Variants in ESRRB observed in about 807,000 individuals in gnomAD.
ESRRB encodes estrogen related receptor beta, also known as steroid hormone receptor ERR2.
In ESRRB, 16 loss-of-function variants were observed where a neutral mutation model predicts 46.0. The ratio of observed to expected loss-of-function variants is 0.35; its 90% CI spans 0.24 to 0.53. ESRRB has a LOEUF of 0.53. Among genes scored for constraint, ESRRB ranks in the 20% least tolerant of loss-of-function variants. The pLI, the probability that ESRRB is intolerant of heterozygous loss-of-function variation, is 0.93. For missense variants in ESRRB, 488 were observed against 607.4 expected (o/e 0.80, Z 2.07); for synonymous variants, 246 against 259.6 (o/e 0.95, Z 0.50).
At chr14:76,430,394 C>G (rs758741797) in intron 1 of ESRRB, among the ~76,000 whole-genome samples, 10 of 152,186 alleles carry the variant, frequency 6.6e-5, no homozygotes, top group Non-Finnish European at 1.5e-4. Context: ...TGTTTATCCT[C>G]TTAATTTGCC....
intron 1 of ESRRB, among the ~76,000 whole-genome samples, chr14:76,386,954 C>T (rs1406511912): frequency 2.0e-5 from 3 of 152,168 alleles, no homozygotes; most frequent in Non-Finnish European, 4.4e-5. Flanking sequence ...GTTTCCCTGA[C>T]AAACGGGTTG....
At chr14:76,445,199 A>G (rs1303464490) in intron 2 of ESRRB, among the ~76,000 whole-genome samples, 3 of 146,866 alleles carry the variant, frequency 2.0e-5, no homozygotes, top group African/African-American at 7.6e-5. Flanking sequence ...GCCGGGTGCG[A>G]TGGCTCACAC....
At chr14:76,494,803 T>C (rs554532908) in intron 6 of ESRRB, among the ~76,000 whole-genome samples, 2 of 152,232 alleles carry the variant, frequency 1.3e-5, no homozygotes, top group South Asian at 4.2e-4. Context: ...GGAAGCCAGG[T>C]GCACAAAGCC....
intron 1 of ESRRB, among the ~76,000 whole-genome samples, chr14:76,321,886 C>CAAAAAA (rs35191942): frequency 7.0e-6 from 1 of 141,932 alleles, no homozygotes; most frequent in Non-Finnish European, 1.5e-5. Flanking sequence ...GACTCCGTCT[C>CAAAAAA]AAAAAAAAAA....
intron 2 of ESRRB, among the ~76,000 whole-genome samples, chr14:76,446,442 C>T (rs979345554): frequency 8.0e-4 from 121 of 151,244 alleles, no homozygotes; most frequent in African/African-American, 2.8e-3. Context: ...TAGATGAGCT[C>T]ATAGACAGAT....
At position 76,482,717 on chromosome 14, in the gene ESRRB, C is replaced by A. The variant is rs202023138; in HGVS notation, c.808C>A (p.Arg270=). Residue 270 remains arginine, a synonymous_variant, in exon 5 of 7, where the codon CGA becomes AGA. Transcript: ENST00000644823. This position sits in a 1 kb window ranked among gnomAD's most constrained non-coding sequence, Gnocchi z 4.3. Reference sequence around the variant, plus strand: ...GACCACTCTCTGTGACCTGGCAGACCGAGAGCTTGTGGTCATCATTGGCTG... The same window carrying A: ...GACCACTCTCTGTGACCTGGCAGACAGAGAGCTTGTGGTCATCATTGGCTG... ...ALTTLCDLAD[R]ELVVIIGWAK... 7 of 1,614,160 alleles carry A rather than the reference C, an allele frequency of 4.3e-6. No individual in the cohort carries two copies. Among genetic ancestry groups the A allele is most frequent in the Non-Finnish European group, 5.9e-6 (7 of 1,180,024 alleles).
intron 2 of ESRRB, among the ~76,000 whole-genome samples, chr14:76,461,021 T>C (rs1888833778): frequency 6.6e-6 from 1 of 152,024 alleles, no homozygotes; most frequent in Non-Finnish European, 1.5e-5. Context: ...ATTGCATTTC[T>C]TTACCTCCCC....
At chr14:76,313,914 G>A (rs1250334645) in intron 1 of ESRRB, among the ~76,000 whole-genome samples, 7 of 152,130 alleles carry the variant, frequency 4.6e-5, no homozygotes, top group South Asian at 4.1e-4. Context: ...AATCCTCAGC[G>A]GGTTAAGAGT....
At chr14:76,349,776 G>A (rs7158794) in intron 1 of ESRRB, among the ~76,000 whole-genome samples, 127,676 of 151,760 alleles carry the variant, frequency 0.84, 54,055 homozygotes, top group East Asian at 1. Context: ...GACTCTGAGT[G>A]CGTGCTCATT....
In ESRRB at chr14:76,491,668, G is replaced by A. The variant is rs1365959241; in HGVS notation, c.1072G>A (p.Glu358Lys). The change falls in exon 6 of 7, where the codon GAG becomes AAG. Residue 358 changes from glutamate to lysine, a missense_variant. Transcript: ENST00000644823. ...LVRRYKKLKVEKEEFVTLKAL... is the reference protein window; with the variant it reads ...LVRRYKKLKVKKEEFVTLKAL... ...ACGCAGGTACAAGAAGCTCAAGGTG[G>A]AGAAGGAGGAGTTTGTGACGCTCAA... 1.3e-6 allele frequency: 2 copies of A among 1,587,560 alleles called. No individual in the cohort carries two copies. The highest frequency in any genetic ancestry group is 1.8e-5 in the Admixed American group (1 of 54,194).
In ESRRB at chr14:76,429,865, G is replaced by A. The variant is rs199633810; in HGVS notation, c.51-9476G>A. Among the ~76,000 whole-genome samples, 16 of 152,320 alleles carry A rather than the reference G, an allele frequency of 1.1e-4. No individual in the cohort carries two copies. In the East Asian group the frequency reaches 3.1e-3, roughly 29 times the overall value. On this transcript the variant is annotated intron_variant, in intron 1 of 6. Transcript: ENST00000644823. ...TTAAGTTTTATGTGTGTGTGTGTGT[G>A]TGTGTGTAATTAATGGATCTCAGTG...
intron 2 of ESRRB, among the ~76,000 whole-genome samples, chr14:76,459,010 A>C (rs940639027): frequency 2.6e-5 from 4 of 151,724 alleles, no homozygotes; most frequent in African/African-American, 9.7e-5. Context: ...ACACCTGGCT[A>C]AGTTTTGTAT....
At chr14:76,344,297 G>A (rs984648137) in intron 1 of ESRRB, among the ~76,000 whole-genome samples, 1 of 152,052 alleles carries the variant, frequency 6.6e-6, no homozygotes, top group Non-Finnish European at 1.5e-5. Flanking sequence ...CACAAGTTAC[G>A]GGGGTACAGG....
chr14:76,455,754 T>A (rs1470702626), intron 2 of ESRRB, among the ~76,000 whole-genome samples: 1 of 152,098 alleles, frequency 6.6e-6, no homozygotes, highest in Non-Finnish European at 1.5e-5. Context: ...TTGAAAATAA[T>A]TATTCTCAGC....
At chr14:76,387,497 GTT>G (rs902050561) in intron 1 of ESRRB, among the ~76,000 whole-genome samples, 1 of 152,160 alleles carries the variant, frequency 6.6e-6, no homozygotes, top group Non-Finnish European at 1.5e-5. Context: ...AGCAGCTCTG[GTT>G]TTCACCTTTC....
chr14:76,495,346 C>G (rs1173459342), intron 6 of ESRRB: 1 of 152,068 alleles, frequency 6.6e-6, no homozygotes, highest in African/African-American at 2.4e-5. Flanking sequence ...GCAGTTGGTG[C>G]ACAGGATAAG....
intron 1 of ESRRB, among the ~76,000 whole-genome samples, chr14:76,381,709 T>C (rs1885022273): frequency 6.6e-6 from 1 of 152,136 alleles, no homozygotes; most frequent in South Asian, 2.1e-4. Context: ...CAGCTTCTTC[T>C]CAGAGCCAGC....
chr14:76,442,753 TA>T (rs927389865), intron 2 of ESRRB, among the ~76,000 whole-genome samples: 3 of 151,888 alleles, frequency 2.0e-5, no homozygotes, highest in African/African-American at 7.2e-5. Context: ...TGTTTTGATC[TA>T]ACAGGACTCA....
intron 1 of ESRRB, among the ~76,000 whole-genome samples, chr14:76,363,350 T>A (rs889958231): frequency 7.2e-5 from 11 of 152,172 alleles, no homozygotes; most frequent in Admixed American, 2.0e-4. Flanking sequence ...TGCTGCCCAT[T>A]TGGACCTGCT....
Sources: gnomAD v4.1 joint callset for allele counts (sites outside exome capture counted in the v4.1 genomes callset) on GRCh38, gnomAD v4.1.1 for gene constraint, Gnocchi (gnomAD v3.1) non-coding constraint, MANE v1.5 for transcripts, NCBI Gene and HGNC (gene_info 2026-07-23, HGNC 2026-07-21) for gene names.